SNX8: variants seen among roughly 807,000 people sequenced by gnomAD.
The protein encoded by SNX8 is sorting nexin-8.
Under a neutral mutation model 51.6 loss-of-function variants are expected in SNX8, and 25 were observed. The ratio of observed to expected loss-of-function variants is 0.48; its 90% confidence interval spans 0.35 to 0.68. The LOEUF (loss-of-function observed/expected upper bound fraction) is 0.68. SNX8 is among the 30% of genes least tolerant of loss of function. The pLI is 0.00. For synonymous variants in SNX8, 324 were observed against 277.0 expected, an observed-to-expected ratio of 1.17 and a Z score of -1.68; for missense variants, 695 against 624.0, an observed-to-expected ratio of 1.11 and a Z score of -1.21.
At chr7:2,257,620 C>T in intron 8 of SNX8, 106 bp from the exon 9 acceptor site, 1 of 1,562,874 alleles carries the variant, frequency 6.4e-7, no homozygotes, top group Non-Finnish European at 8.7e-7. Context: ...CCCCGTCTTC[C>T]CCTGCAGCCC....
At chr7:2,300,787 C>T (rs538001002) in intron 1 of SNX8, among the ~76,000 whole-genome samples, 2 of 152,172 alleles carry the variant, frequency 1.3e-5, no homozygotes, top group East Asian at 1.9e-4. Context: ...GGATTATAGG[C>T]GCATGCCACC....
chr7:2,299,285 G>GA (rs993864195), intron 1 of SNX8: 16 of 149,300 alleles, frequency 1.1e-4, no homozygotes, highest in East Asian at 3.9e-4. Flanking sequence ...CCACAAAGGG[G>GA]AAAAAAAAAA....
Position 2,257,715 on chromosome 7 carries a change from A to C in SNX8, c.984+20T>G, listed in dbSNP as rs775220560. 5.7e-5 allele frequency: 92 copies of C among 1,611,846 alleles called. No individual in the cohort carries two copies. The highest frequency in any genetic ancestry group is 4.5e-4 in the South Asian group (41 of 91,040). ...ATTCCTGAAAGTTCTGCCCCCAGCC[A>C]AGGAGCAGCCAAGACTCACCTTATA... On this transcript the variant is annotated intron_variant, in intron 8 of 10. Transcript: ENST00000222990.
chr7:2,314,360 T>C lies in SNX8; in HGVS notation c.62A>G (p.Glu21Gly). The C allele has an allele frequency of 8.2e-7, 1 of 1,223,970 alleles. No homozygotes were observed. The highest frequency in any genetic ancestry group is 1.0e-6 in the Non-Finnish European group (1 of 982,592). The allele number at this position is 1,223,970 out of a possible 1,614,324, so 75.8% of individuals were successfully genotyped here. A position where few individuals can be genotyped will look rare whatever the true frequency, so the allele number is the denominator to read the frequency against. ...CGGGGGATCCGCCTCCTCGTCAGCC[T>C]CCGCCTCAGCTGCCGCCCCGACTGC... ...AAAVGAAAEA[E>G]ADEEADPPAS... is the part of the protein sequence containing the mutation. The change falls in exon 1 of 11, where the codon GAG (glutamate) becomes GGG (glycine). Residue 21 changes from glutamate (E) to glycine (G), a missense_variant. Transcript: ENST00000222990.
intron 1 of SNX8, among the ~76,000 whole-genome samples, chr7:2,303,995 T>G (rs1478028464): frequency 7.0e-6 from 1 of 143,584 alleles, no homozygotes; most frequent in East Asian, 2.0e-4. Flanking sequence ...AATAAAAACT[T>G]AAAAAAAAAA....
intron 1 of SNX8, among the ~76,000 whole-genome samples, chr7:2,303,992 A>G (rs1796480443): frequency 6.7e-6 from 1 of 149,266 alleles, no homozygotes; most frequent in Admixed American, 6.7e-5. Flanking sequence ...AAAAATAAAA[A>G]CTTAAAAAAA....
chr7:2,345,244 A>C (rs1354407732), intron 1 of SNX8, among the ~76,000 whole-genome samples: 1 of 152,222 alleles, frequency 6.6e-6, no homozygotes, highest in Non-Finnish European at 1.5e-5. Flanking sequence ...ATATTCATGC[A>C]ATGTATAAAC....
intron 1 of SNX8, among the ~76,000 whole-genome samples, chr7:2,308,960 T>C (rs1166646401): frequency 6.6e-6 from 1 of 152,040 alleles, no homozygotes; most frequent in Non-Finnish European, 1.5e-5. Flanking sequence ...CAGCTAATTA[T>C]TGGATTTTTG....
intron 1 of SNX8, among the ~76,000 whole-genome samples, chr7:2,300,236 T>C (rs1796361381): frequency 6.6e-6 from 1 of 152,176 alleles, no homozygotes; most frequent in Admixed American, 6.5e-5. Context: ...GATGCTCAGA[T>C]TATCTTAACG....
At chr7:2,261,259 C>A (rs1301916042) in intron 7 of SNX8, among the ~76,000 whole-genome samples, 1 of 152,140 alleles carries the variant, frequency 6.6e-6, no homozygotes, top group Non-Finnish European at 1.5e-5. Flanking sequence ...ACGGTGAAAC[C>A]CCATCTCTAC....
At chr7:2,298,386 T>A (rs1160643939) in intron 1 of SNX8, among the ~76,000 whole-genome samples, 1 of 152,090 alleles carries the variant, frequency 6.6e-6, no homozygotes, top group Non-Finnish European at 1.5e-5. Context: ...GTTTTGTTTT[T>A]TGAGACGGAG....
intron 2 of SNX8, among the ~76,000 whole-genome samples, chr7:2,276,077 C>T (rs1795773525): frequency 6.6e-6 from 1 of 152,206 alleles, no homozygotes; most frequent in East Asian, 1.9e-4. Flanking sequence ...GTTACACACA[C>T]ATCAGGGTGA....
intron 5 of SNX8, among the ~76,000 whole-genome samples, chr7:2,268,902 T>G (rs1276214673): frequency 3.0e-5 from 1 of 33,698 alleles, no homozygotes; most frequent in Non-Finnish European, 6.7e-5. Context: ...GGGAGGGAGG[T>G]GGGGGGGGGT....
chr7:2,264,215 A>T, intron 6 of SNX8, 83 bp downstream of exon 6: 1 of 1,378,506 alleles, frequency 7.3e-7, no homozygotes, highest in Admixed American at 1.9e-5. Flanking sequence ...ATTACGGTAA[A>T]CGCACTTTCC....
At chr7:2,338,527 C>G (rs1453637029) in intron 1 of SNX8, among the ~76,000 whole-genome samples, 1 of 150,244 alleles carries the variant, frequency 6.7e-6, no homozygotes, top group African/African-American at 2.5e-5. Flanking sequence ...CCCAGCTGTG[C>G]GGAGACTGAG....
At chr7:2,280,815 CAG>C (rs1795891020) in intron 1 of SNX8, among the ~76,000 whole-genome samples, 2 of 131,116 alleles carry the variant, frequency 1.5e-5, no homozygotes, top group South Asian at 4.7e-4. Flanking sequence ...TTTTGAGAGA[CAG>C]AGTCTCGCTC....
chr7:2,343,392 C>G (rs1264455599), intron 1 of SNX8, among the ~76,000 whole-genome samples: 1 of 152,024 alleles, frequency 6.6e-6, no homozygotes, highest in African/African-American at 2.4e-5. Flanking sequence ...AGAGCTCATA[C>G]AGGCCGGGCA....
chr7:2,334,239 T>G (rs891458367), intron 1 of SNX8, among the ~76,000 whole-genome samples: 1 of 151,994 alleles, frequency 6.6e-6, no homozygotes, highest in Non-Finnish European at 1.5e-5. Context: ...CCGTCTCTAC[T>G]AAAAATACAA....
chr7:2,351,330 C>T (rs1779134578), intron 1 of SNX8, among the ~76,000 whole-genome samples: 1 of 152,040 alleles, frequency 6.6e-6, no homozygotes, highest in African/African-American at 2.4e-5. Flanking sequence ...GTTGGGAGAA[C>T]TGCTTGAGCC....
Sources: allele counts gnomAD v4.1 joint callset (sites outside exome capture counted in the v4.1 genomes callset), GRCh38; gene constraint gnomAD v4.1.1; transcripts MANE v1.5; gene names NCBI Gene and HGNC (gene_info 2026-07-23, HGNC 2026-07-21).